RRH: variants seen among roughly 807,000 people sequenced by gnomAD.
RRH encodes the protein visual pigment-like receptor peropsin.
A neutral mutation model predicts 33.1 loss-of-function variants in RRH; 36 were observed. The ratio of observed to expected loss-of-function variants is 1.09; its 90% CI spans 0.83 to 1.44. RRH has a LOEUF of 1.44. Ranked by LOEUF, RRH falls within the 40% of genes most tolerant of loss-of-function variation. RRH has a pLI of 0.00. For synonymous variants in RRH, 124 were observed against 140.2 expected, an observed-to-expected ratio of 0.88 and a Z score of 0.82; for missense variants, 393 against 420.2, an observed-to-expected ratio of 0.94 and a Z score of 0.57.
Position 109,844,443 on chromosome 4 carries a change from CCTTT to C in RRH, c.*253_*256del. On this transcript the variant is annotated 3_prime_UTR_variant, in exon 7 of 7. Transcript: ENST00000317735. ...AATTAGGCATCAGAGGTTAAGGTCCCCTTTCTTTCTCCCTATTATGGCATGCATT... is the reference window on the plus strand; with the variant it reads ...AATTAGGCATCAGAGGTTAAGGTCCCCTTTCTCCCTATTATGGCATGCATT... 1 of 404,202 alleles carries C rather than the reference CCTTT, an allele frequency of 2.5e-6. No homozygotes were observed. Among genetic ancestry groups the C allele is most frequent in the Non-Finnish European group, 4.7e-6 (1 of 214,236 alleles). 25.0% of individuals were successfully genotyped at this position (404,202 alleles called of 1,614,324 possible). A position where few individuals can be genotyped will look rare whatever the true frequency, so the allele number is the denominator to read the frequency against.
At chr4:109,840,459 C>T (rs1733964823) in intron 5 of RRH, among the ~76,000 whole-genome samples, 1 of 152,040 alleles carries the variant, frequency 6.6e-6, no homozygotes, top group Non-Finnish European at 1.5e-5. Context: ...TGTGTAGAAG[C>T]TCTTTAGTTT....
chr4:109,844,484 A>G lies in RRH; in HGVS notation c.*287A>G, dbSNP rs968926215. The G allele has an allele frequency of 8.1e-6, 2 of 246,530 alleles. No homozygotes were observed. The highest frequency in any genetic ancestry group is 1.6e-5 in the Non-Finnish European group (2 of 125,348). 15.3% of individuals were successfully genotyped at this position (246,530 alleles called of 1,614,324 possible). Reference sequence around the variant, plus strand: ...TTATGGCATGCATTACACTGTACTGATGACCTTTAACTTGCCTGGCTCCTC... The same window carrying G: ...TTATGGCATGCATTACACTGTACTGGTGACCTTTAACTTGCCTGGCTCCTC... On this transcript the variant is annotated 3_prime_UTR_variant, in exon 7 of 7. Transcript: ENST00000317735.
intron 5 of RRH, among the ~76,000 whole-genome samples, chr4:109,838,879 T>A (rs1458058602): frequency 6.6e-6 from 1 of 152,178 alleles, no homozygotes. Flanking sequence ...ATTTATCCAG[T>A]GCTGGGTACT....
At chr4:109,838,589 T>A (rs1733931565) in intron 5 of RRH, among the ~76,000 whole-genome samples, 3 of 152,190 alleles carry the variant, frequency 2.0e-5, no homozygotes, top group African/African-American at 7.2e-5. Context: ...GAGAGGTAAA[T>A]TTTTTAAGAC....
rs35857159 is a variant in RRH, at chr4:109,834,510, A to ATT, written c.298-843_298-842dup. Reference sequence around the variant, plus strand: ...AAGCCTGGCTAATTTTTTTTTTTGTATTTTTTTTTTTTTTAGTAATGACGG... The same window carrying ATT: ...AAGCCTGGCTAATTTTTTTTTTTGTATTTTTTTTTTTTTTTTAGTAATGACGG... On this transcript the variant is annotated intron_variant, in intron 2 of 6. Transcript: ENST00000317735. 3.2e-3 allele frequency among the ~76,000 whole-genome samples: 401 copies of ATT among 124,240 alleles called. 1 individual carries two copies. The highest frequency in any genetic ancestry group is 4.4e-3 in the Non-Finnish European group (273 of 61,850). 81.5% of individuals were successfully genotyped at this position (124,240 alleles called of 152,430 possible). A position where few individuals can be genotyped will look rare whatever the true frequency, so the allele number is the denominator to read the frequency against.
rs1170450267 is a variant in RRH at position 109,834,343 on chromosome 4, T to A, written c.297+1014T>A. Among the ~76,000 whole-genome samples the A allele has an allele frequency of 5.1e-3, 647 of 127,308 alleles. 1 individual carries two copies. Among genetic ancestry groups the A allele is most frequent in the African/African-American group, 0.017 (583 of 34,012 alleles). 83.5% of individuals were successfully genotyped at this position (127,308 alleles called of 152,430 possible). On this transcript the variant is annotated intron_variant, in intron 2 of 6. Transcript: ENST00000317735. ...TCTTTTCCTTTTTTTTTTTTTTTTT[T>A]ATTTGAGATGGAGTCACGCTCCGTT...
chr4:109,834,325 C>CT (rs70954188), intron 2 of RRH, among the ~76,000 whole-genome samples: 2,625 of 132,928 alleles, frequency 0.02, 40 homozygotes, highest in African/African-American at 0.034. Context: ...TTTTCTTTTC[C>CT]TTTTTTTTTT....
In RRH at chr4:109,835,462, G is replaced by GT. The variant is rs1249489243; in HGVS notation, c.395dup (p.Gly133ArgfsTer33). On this transcript the variant is annotated frameshift_variant, in exon 3 of 7. Coordinates refer to ENST00000317735, the MANE Select transcript of RRH (RefSeq NM_006583.5). LOFTEE classifies it high-confidence loss of function. ...ATACCTGACCATCTGCCTTCCTGAC[G>GT]TAGGTACAACACTTTTCTCAGCTTT... is the stretch of plus-strand genomic sequence containing the variant. The GT allele has an allele frequency of 6.2e-7, 1 of 1,609,622 alleles. No homozygotes were observed. The highest frequency in any genetic ancestry group is 8.5e-7 in the Non-Finnish European group (1 of 1,176,078).
rs766533154 is a variant in RRH at position 109,835,406 on chromosome 4, T to C, written c.338T>C (p.Ile113Thr). ...GLNIFFGMAS[I>T]GLLTVVAVDR... ...AATATTTTTTTTGGAATGGCAAGCA[T>C]TGGATTACTCACGGTCGTGGCTGTG... The change falls in exon 3 of 7, where the codon ATT (isoleucine) becomes ACT (threonine). Residue 113 changes from isoleucine (I) to threonine (T), a missense_variant. Physicochemically the swap from Ile to Thr is moderately conservative, Grantham distance 89. Coordinates refer to ENST00000317735, the MANE Select transcript of RRH (RefSeq NM_006583.5). 1.7e-5 allele frequency: 27 copies of C among 1,614,010 alleles called. No homozygotes were observed. The highest frequency in any genetic ancestry group is 3.3e-5 in the Admixed American group (2 of 59,994).
rs1394451995 is a variant in RRH at position 109,844,647 on chromosome 4, ATTAAC to A, written c.*454_*458del. ...TTTCAACATTTTAACATTTAAATCA[ATTAAC>A]TTATGTTATTAAACAAAAATAAATG... On this transcript the variant is annotated 3_prime_UTR_variant, in exon 7 of 7. Coordinates refer to ENST00000317735, the MANE Select transcript of RRH (RefSeq NM_006583.5). 1 of 157,760 alleles carries A rather than the reference ATTAAC, an allele frequency of 6.3e-6. No individual in the cohort carries two copies. Among genetic ancestry groups the A allele is most frequent in the Non-Finnish European group, 1.4e-5 (1 of 71,296 alleles). The allele number at this position is 157,760 out of a possible 1,614,324, so 9.8% of individuals were successfully genotyped here.
chr4:109,844,321 C>T lies in RRH; in HGVS notation c.*124C>T. 1.5e-6 allele frequency: 1 copy of T among 678,014 alleles called. No homozygotes were observed. The highest frequency in any genetic ancestry group is 2.7e-6 in the Non-Finnish European group (1 of 374,458). 42.0% of individuals were successfully genotyped at this position (678,014 alleles called of 1,614,324 possible). A position where few individuals can be genotyped will look rare whatever the true frequency, so the allele number is the denominator to read the frequency against. ...TTGTCCTATGAGAGTGTAAGCTCCT[C>T]AAGCACAGCTCGTGCTTCTGTTTGT... On this transcript the variant is annotated 3_prime_UTR_variant, in exon 7 of 7. Coordinates refer to ENST00000317735, the MANE Select transcript of RRH (RefSeq NM_006583.5).
chr4:109,835,534 C>A, intron 3 of RRH, 69 bp downstream of exon 3: 1 of 1,044,088 alleles, frequency 9.6e-7, no homozygotes, highest in Non-Finnish European at 1.5e-6. Flanking sequence ...TATATATATA[C>A]GCTAAAATAT....
rs1734009493 is a variant in RRH at position 109,842,768 on chromosome 4, A to T, written c.899+121A>T. 4 of 867,308 alleles carry T rather than the reference A, an allele frequency of 4.6e-6. No homozygotes were observed. In the Admixed American group the frequency reaches 7.9e-5, roughly 17 times the overall value. The allele number at this position is 867,308 out of a possible 1,614,324, so 53.7% of individuals were successfully genotyped here. ...ATCTAGCATAAAGGTCATTTGCCTC[A>T]TGTGACTGGAGCAGCATCTAGGACC... On this transcript the variant is annotated intron_variant, in intron 6 of 6. Coordinates refer to ENST00000317735, the MANE Select transcript of RRH (RefSeq NM_006583.5).
Position 109,835,372 on chromosome 4 carries a change from G to C in RRH, c.304G>C (p.Ala102Pro). The C allele has an allele frequency of 6.2e-7, 1 of 1,613,232 alleles. No individual in the cohort carries two copies. The highest frequency in any genetic ancestry group is 8.5e-7 in the Non-Finnish European group (1 of 1,179,282). ...KFGYAGCQVY[A>P]GLNIFFGMAS... The stretch of plus-strand genomic sequence containing the variant: ...TTTCAATTTTGGTTTTCAGGTTTAT[G>C]CTGGATTGAATATTTTTTTTGGAAT... Residue 102 changes from alanine (A) to proline (P), a missense_variant, in exon 3 of 7, where the codon GCT (alanine) becomes CCT (proline). Coordinates refer to ENST00000317735, the MANE Select transcript of RRH (RefSeq NM_006583.5).
Position 109,844,389 on chromosome 4 carries a change from T to C in RRH, c.*192T>C. Reference sequence around the variant, plus strand: ...GTGTATGCTTCTCTGTGTCCTGATATATCAACTTATTGCTCATCTCCTTTG... The same window carrying C: ...GTGTATGCTTCTCTGTGTCCTGATACATCAACTTATTGCTCATCTCCTTTG... On this transcript the variant is annotated 3_prime_UTR_variant, in exon 7 of 7. Transcript: ENST00000317735. 2.0e-6 allele frequency: 1 copy of C among 498,054 alleles called. No homozygotes were observed. The highest frequency in any genetic ancestry group is 3.7e-6 in the Non-Finnish European group (1 of 273,040). 30.9% of individuals were successfully genotyped at this position (498,054 alleles called of 1,614,324 possible).
In RRH at chr4:109,828,160, TC is replaced by T. The variant is rs1185875061; in HGVS notation, c.106+28del. 2.0e-6 allele frequency: 3 copies of T among 1,475,760 alleles called. No individual in the cohort carries two copies. In the Admixed American group the frequency reaches 5.0e-5, roughly 25 times the overall value. The allele number at this position is 1,475,760 out of a possible 1,614,324, so 91.4% of individuals were successfully genotyped here. On this transcript the variant is annotated intron_variant, in intron 1 of 6. Transcript: ENST00000317735. ...TATGGATATTTAAGTAAGTTATTTT[TC>T]TTTAGAATGGGTGAAGAAAGGCAGA...
At position 109,833,215 on chromosome 4, in the gene RRH, T is replaced by C. The variant is rs765889168; in HGVS notation, c.183T>C (p.Asn61=). Residue 61 remains asparagine, a synonymous_variant, in exon 2 of 7, where the codon AAT becomes AAC. Coordinates refer to ENST00000317735, the MANE Select transcript of RRH (RefSeq NM_006583.5). ...IKYKELRTPT[N]AIIINLAVTD... Reference sequence around the variant, plus strand: ...ACAAGGAACTTCGGACACCCACAAATGCAATTATTATTAACCTGGCTGTTA... The same window carrying C: ...ACAAGGAACTTCGGACACCCACAAACGCAATTATTATTAACCTGGCTGTTA... 2 of 1,613,942 alleles carry C rather than the reference T, an allele frequency of 1.2e-6. No homozygotes were observed. Among genetic ancestry groups the C allele is most frequent in the South Asian group, 1.1e-5 (1 of 91,076 alleles).
At chr4:109,843,860 T>C (rs1734029244) in intron 6 of RRH, among the ~76,000 whole-genome samples, 2 of 152,202 alleles carry the variant, frequency 1.3e-5, no homozygotes, top group African/African-American at 2.4e-5. Context: ...TTATAAAGTT[T>C]CTCAACAGGA....
intron 5 of RRH, among the ~76,000 whole-genome samples, chr4:109,838,222 C>T (rs754685639): frequency 3.3e-5 from 5 of 152,220 alleles, no homozygotes; most frequent in Admixed American, 6.5e-5. Context: ...CCACACCTTT[C>T]TCTCTCCTTA....
Sources: allele counts gnomAD v4.1 joint callset (sites outside exome capture counted in the v4.1 genomes callset), GRCh38; gene constraint gnomAD v4.1.1; transcripts MANE v1.5; gene names NCBI Gene and HGNC (gene_info 2026-07-23, HGNC 2026-07-21).